Variants in IL10RB observed in about 807,000 individuals in gnomAD.
IL10RB encodes interleukin-10 receptor subunit beta.
Under a neutral mutation model 38.7 loss-of-function variants are expected in IL10RB, and 30 were observed. That is an observed-to-expected ratio of 0.78 (90% confidence interval 0.58 to 1.05). The LOEUF is 1.05. Among genes scored for constraint, IL10RB ranks in the 50% least tolerant of loss-of-function variants. The probability of loss-of-function intolerance (pLI) is 0.00; values close to 1 mark genes in which losing one functional copy is unlikely to be tolerated. For synonymous variants in IL10RB, 142 were observed against 145.9 expected (o/e 0.97, Z 0.19); for missense variants, 328 against 397.1 (o/e 0.83, Z 1.48).
chr21:33,270,438 T>C (rs1989054791), intron 2 of IL10RB, among the ~76,000 whole-genome samples: 1 of 151,812 alleles, frequency 6.6e-6, no homozygotes, highest in South Asian at 2.1e-4. Context: ...TGGAGTGCAG[T>C]AGCGCGATCT....
intron 1 of IL10RB, chr21:33,268,132 C>G: frequency 1.9e-6 from 2 of 1,074,282 alleles, no homozygotes; most frequent in Non-Finnish European, 2.5e-6. Flanking sequence ...ACCCTACCCC[C>G]TCATAGCTTT....
Position 33,296,584 on chromosome 21 carries a change from T to A in IL10RB, c.*227T>A. On this transcript the variant is annotated 3_prime_UTR_variant, in exon 7 of 7. Coordinates refer to ENST00000290200, the MANE Select transcript of IL10RB (RefSeq NM_000628.5). Reference sequence around the variant, plus strand: ...CTGCCTTATAAAGGCTTTCATGATGTTTTCAGAAGTTGGCCACTGAGAGTG... The same window carrying A: ...CTGCCTTATAAAGGCTTTCATGATGATTTCAGAAGTTGGCCACTGAGAGTG... 1 of 667,658 alleles carries A rather than the reference T, an allele frequency of 1.5e-6. No individual in the cohort carries two copies. The highest frequency in any genetic ancestry group is 2.8e-6 in the Non-Finnish European group (1 of 363,510). The allele number at this position is 667,658 out of a possible 1,614,324, so 41.4% of individuals were successfully genotyped here.
chr21:33,279,531 T>C (rs2123578597), intron 3 of IL10RB, among the ~76,000 whole-genome samples: 1 of 152,246 alleles, frequency 6.6e-6, no homozygotes, highest in Non-Finnish European at 1.5e-5. Context: ...ACAATAAACA[T>C]AAGTGGACTA....
At chr21:33,276,377 C>A (rs1172072102) in intron 2 of IL10RB, among the ~76,000 whole-genome samples, 1 of 152,130 alleles carries the variant, frequency 6.6e-6, no homozygotes, top group South Asian at 2.1e-4. Flanking sequence ...AGGAAGCAAG[C>A]TTTCTTGGTC....
intron 4 of IL10RB, 62 bp downstream of exon 4, chr21:33,279,980 A>G: frequency 6.8e-7 from 1 of 1,464,522 alleles, no homozygotes; most frequent in Non-Finnish European, 9.6e-7. Flanking sequence ...AGAATCTTGC[A>G]AGGTGGCAGC....
chr21:33,308,519 T>C (rs1346085674), intron 1 of IL10RB: 1 of 152,246 alleles, frequency 6.6e-6, no homozygotes, highest in Admixed American at 6.5e-5. Flanking sequence ...AGGACATCTA[T>C]AGAAGTAGAA....
At chr21:33,301,639 G>C (rs1320861186), downstream of IL10RB, among the ~76,000 whole-genome samples, 1 of 152,262 alleles carries the variant, frequency 6.6e-6, no homozygotes, top group Admixed American at 6.5e-5. Context: ...GCCCTATGGA[G>C]CTGATGGGGT....
At chr21:33,270,581 A>G (rs1989058506) in intron 2 of IL10RB, among the ~76,000 whole-genome samples, 1 of 150,548 alleles carries the variant, frequency 6.6e-6, no homozygotes, top group African/African-American at 2.4e-5. Flanking sequence ...TCACCGTGTT[A>G]CCCAGGATGG....
chr21:33,284,033 C>T (rs8178505), intron 5 of IL10RB, among the ~76,000 whole-genome samples: 57,200 of 151,840 alleles, frequency 0.38, 11,563 homozygotes, highest in Non-Finnish European at 0.45. Flanking sequence ...TGGTGGCTCA[C>T]GCCTGTAATC....
intron 6 of IL10RB, among the ~76,000 whole-genome samples, chr21:33,293,854 A>G (rs961931226): frequency 1.3e-5 from 2 of 151,870 alleles, no homozygotes; most frequent in African/African-American, 2.4e-5. Context: ...AGCATGAACT[A>G]AGAATCCTCT....
At position 33,288,108 on chromosome 21, in the gene IL10RB, G is replaced by T; in HGVS notation, c.651G>T (p.Thr217=). 6.2e-7 allele frequency: 1 copy of T among 1,614,028 alleles called. No individual in the cohort carries two copies. The highest frequency in any genetic ancestry group is 1.3e-5 in the African/African-American group (1 of 75,014). The change falls in exon 6 of 7, where the codon ACG becomes ACT. Residue 217 remains threonine, a synonymous_variant. Coordinates refer to ENST00000290200, the MANE Select transcript of IL10RB (RefSeq NM_000628.5). ...PVCEQTTHDE[T]VPSWMVAVIL... Reference sequence around the variant, plus strand: ...CATGCCCATTACCCCTGGCAGAAACGGTCCCCTCCTGGATGGTGGCCGTCA... The same window carrying T: ...CATGCCCATTACCCCTGGCAGAAACTGTCCCCTCCTGGATGGTGGCCGTCA...
chr21:33,269,264 C>T (rs1353502618), intron 2 of IL10RB, among the ~76,000 whole-genome samples: 1 of 152,222 alleles, frequency 6.6e-6, no homozygotes, highest in Admixed American at 6.5e-5. Flanking sequence ...TCAGTGCCAG[C>T]ACTCCCTTGG....
chr21:33,282,015 T>C (rs1989289165), intron 4 of IL10RB, among the ~76,000 whole-genome samples: 1 of 152,176 alleles, frequency 6.6e-6, no homozygotes, highest in African/African-American at 2.4e-5. Flanking sequence ...AAAATTTGCA[T>C]TGTAAGGTTT....
intron 1 of IL10RB, among the ~76,000 whole-genome samples, chr21:33,306,595 C>G (rs1052636676): frequency 1.3e-5 from 2 of 152,018 alleles, no homozygotes; most frequent in Non-Finnish European, 2.9e-5. Context: ...TGCAGTGGTG[C>G]GATCATGGCT....
Position 33,281,517 on chromosome 21 carries a change from G to A in IL10RB, c.499-1577G>A, listed in dbSNP as rs1422227150. Among the ~76,000 whole-genome samples the A allele has an allele frequency of 2.0e-5, 3 of 152,186 alleles. No individual in the cohort carries two copies. In the East Asian group the frequency reaches 5.8e-4, roughly 29 times the overall value. ...GGCAACCTTCTGTGTGACTTACCGA[G>A]TGTGGAAAGGCTGCCTGCTGCACTG... On this transcript the variant is annotated intron_variant, in intron 4 of 6. Coordinates refer to ENST00000290200, the MANE Select transcript of IL10RB (RefSeq NM_000628.5).
Position 33,266,382 on chromosome 21 carries a change from C to A in IL10RB, c.-84C>A. ...CGCCCCGCCCATCTCCGCTGGTTCC[C>A]GGAAGCCGCCGCGGACAAGCTCTCC... On this transcript the variant is annotated 5_prime_UTR_variant, in exon 1 of 7. Coordinates refer to ENST00000290200, the MANE Select transcript of IL10RB (RefSeq NM_000628.5). 6.8e-7 allele frequency: 1 copy of A among 1,478,550 alleles called. No individual in the cohort carries two copies. The highest frequency in any genetic ancestry group is 9.1e-7 in the Non-Finnish European group (1 of 1,099,418). 91.6% of individuals were successfully genotyped at this position (1,478,550 alleles called of 1,614,324 possible). A position where few individuals can be genotyped will look rare whatever the true frequency, so the allele number is the denominator to read the frequency against.
intron 1 of IL10RB, among the ~76,000 whole-genome samples, chr21:33,304,548 A>G (rs1364341951): frequency 6.6e-6 from 1 of 152,334 alleles, no homozygotes; most frequent in East Asian, 1.9e-4. Flanking sequence ...CTAACAGAGC[A>G]TCACTGATAC....
chr21:33,288,335 C>A, intron 6 of IL10RB, 74 bp downstream of exon 6: 1 of 1,284,026 alleles, frequency 7.8e-7, no homozygotes, highest in South Asian at 1.2e-5. Context: ...TTAGGGCTGC[C>A]CAATTCCAGA....
chr21:33,275,561 G>T (rs374609624), intron 2 of IL10RB, among the ~76,000 whole-genome samples: 14 of 152,188 alleles, frequency 9.2e-5, no homozygotes, highest in Non-Finnish European at 1.9e-4. Flanking sequence ...GGTGTGGCTG[G>T]TTTGATCTTC....
Sources: allele counts gnomAD v4.1 joint callset (sites outside exome capture counted in the v4.1 genomes callset), GRCh38; gene constraint gnomAD v4.1.1; transcripts MANE v1.5; gene names NCBI Gene and HGNC (gene_info 2026-07-23, HGNC 2026-07-21).